The following LYPLAL1 variants were observed in gnomAD, a reference collection of about 807,000 sequenced individuals.
LYPLAL1 encodes the protein lysophospholipase-like protein 1.
In LYPLAL1, 23 loss-of-function variants were observed where a neutral mutation model predicts 19.7. The observed-to-expected ratio is 1.17, with a 90% CI of 0.84 to 1.65. The LOEUF is 1.65. Ranked by LOEUF, LYPLAL1 falls within the 40% of genes most tolerant of loss-of-function variation. The pLI, the probability that LYPLAL1 is intolerant of heterozygous loss-of-function variation, is 0.00. For synonymous variants in LYPLAL1, 119 were observed against 96.3 expected, an observed-to-expected ratio of 1.24 and a Z score of -1.38; for missense variants, 355 against 279.4, an observed-to-expected ratio of 1.27 and a Z score of -1.93.
the LYPLAL1 span, among the ~76,000 whole-genome samples, chr1:219,231,185 A>T: frequency 6.6e-6 from 1 of 152,192 alleles, no homozygotes; most frequent in African/African-American, 2.4e-5. Flanking sequence ...TTCCATACAG[A>T]TGGAGGGCCG....
the LYPLAL1 span, among the ~76,000 whole-genome samples, chr1:219,364,365 TCTCTAATACA>T: frequency 6.6e-6 from 1 of 152,142 alleles, no homozygotes; most frequent in Non-Finnish European, 1.5e-5. Context: ...ATTTTCCATT[TCTCTAATACA>T]CTCTGTTTCC....
chr1:219,281,434 T>G, the LYPLAL1 span, among the ~76,000 whole-genome samples: 1 of 152,170 alleles, frequency 6.6e-6, no homozygotes, highest in Admixed American at 6.5e-5. Flanking sequence ...ATCTAAGCAC[T>G]TACTATCAAG....
At chr1:219,385,984 A>C in the LYPLAL1 span, among the ~76,000 whole-genome samples, 1 of 152,200 alleles carries the variant, frequency 6.6e-6, no homozygotes, top group East Asian at 1.9e-4. Flanking sequence ...TGAGACCTCC[A>C]AACTATCACC....
At chr1:219,432,000 T>A in the LYPLAL1 span, among the ~76,000 whole-genome samples, 1 of 152,248 alleles carries the variant, frequency 6.6e-6, no homozygotes, top group Non-Finnish European at 1.5e-5. Flanking sequence ...TGAAATACAG[T>A]AGATGCTCAT....
At chr1:219,431,395 A>G in the LYPLAL1 span, among the ~76,000 whole-genome samples, 1 of 152,216 alleles carries the variant, frequency 6.6e-6, no homozygotes, top group Non-Finnish European at 1.5e-5. Context: ...GAGTTACTTG[A>G]AAACAAAAGT....
chr1:219,282,347 T>A, the LYPLAL1 span, among the ~76,000 whole-genome samples: 1 of 151,950 alleles, frequency 6.6e-6, no homozygotes, highest in Non-Finnish European at 1.5e-5. Context: ...AAATATATCA[T>A]AGATCTTGTG....
At chr1:219,377,621 T>C in the LYPLAL1 span, among the ~76,000 whole-genome samples, 4 of 152,208 alleles carry the variant, frequency 2.6e-5, no homozygotes, top group African/African-American at 4.8e-5. Context: ...GGAGATTGCC[T>C]CTTCTTTAAT....
At chr1:219,313,111 A>G in the LYPLAL1 span, among the ~76,000 whole-genome samples, 1 of 152,200 alleles carries the variant, frequency 6.6e-6, no homozygotes, top group East Asian at 1.9e-4. Flanking sequence ...CTTCATGTTT[A>G]TAATCCTTTA....
chr1:219,314,860 C>T, the LYPLAL1 span, among the ~76,000 whole-genome samples: 4 of 152,138 alleles, frequency 2.6e-5, no homozygotes, highest in African/African-American at 4.8e-5. Flanking sequence ...TTAGAATCTT[C>T]GTTTTAACAA....
chr1:219,324,545 G>T, the LYPLAL1 span, among the ~76,000 whole-genome samples: 1 of 152,126 alleles, frequency 6.6e-6, no homozygotes, highest in African/African-American at 2.4e-5. Flanking sequence ...AATAGGAATT[G>T]GATAACCATG....
At chr1:219,366,241 T>C in the LYPLAL1 span, among the ~76,000 whole-genome samples, 1 of 152,202 alleles carries the variant, frequency 6.6e-6, no homozygotes. Context: ...ATAATGAATG[T>C]TTAAATATCC....
the LYPLAL1 span, among the ~76,000 whole-genome samples, chr1:219,324,035 G>A: frequency 6.6e-6 from 1 of 152,108 alleles, no homozygotes; most frequent in Admixed American, 6.6e-5. Flanking sequence ...GTCTAAATGT[G>A]CGTTTCTCTC....
the LYPLAL1 span, among the ~76,000 whole-genome samples, chr1:219,301,904 C>T: frequency 1.3e-5 from 2 of 151,912 alleles, no homozygotes; most frequent in South Asian, 2.1e-4. Context: ...TTTGATTTTA[C>T]AATAGTTCAT....
chr1:219,299,032 A>C, the LYPLAL1 span, among the ~76,000 whole-genome samples: 1 of 152,194 alleles, frequency 6.6e-6, no homozygotes, highest in African/African-American at 2.4e-5. Context: ...GCATTAACAC[A>C]ATCTTGGTTG....
the LYPLAL1 span, among the ~76,000 whole-genome samples, chr1:219,236,057 T>G: frequency 6.6e-6 from 1 of 152,196 alleles, no homozygotes; most frequent in Non-Finnish European, 1.5e-5. Context: ...AAACTTGATT[T>G]CTAGCCAAAC....
At chr1:219,411,855 G>A in the LYPLAL1 span, 1 of 165,802 alleles carries the variant, frequency 6.0e-6, no homozygotes, top group Non-Finnish European at 1.3e-5. Context: ...TCACCGCCAG[G>A]GTCCGTGGCT....
chr1:219,285,041 TAAG>T, the LYPLAL1 span, among the ~76,000 whole-genome samples: 68 of 152,324 alleles, frequency 4.5e-4, no homozygotes, highest in African/African-American at 1.5e-3. Context: ...TCTACACAGT[TAAG>T]AAGGCAAGCA....
the LYPLAL1 span, among the ~76,000 whole-genome samples, chr1:219,337,375 G>A: frequency 6.6e-6 from 1 of 151,662 alleles, no homozygotes; most frequent in Non-Finnish European, 1.5e-5. Context: ...AAGGTTTATA[G>A]TAATATTGTG....
At chr1:219,371,911 T>C in the LYPLAL1 span, among the ~76,000 whole-genome samples, 1 of 152,210 alleles carries the variant, frequency 6.6e-6, no homozygotes, top group Non-Finnish European at 1.5e-5. Context: ...TTTAACATAA[T>C]AATAATTTCA....
Sources: allele counts gnomAD v4.1 joint callset (sites outside exome capture counted in the v4.1 genomes callset), GRCh38; gene constraint gnomAD v4.1.1; transcripts MANE v1.5; gene names NCBI Gene and HGNC (gene_info 2026-07-23, HGNC 2026-07-21).